VPS13C: variants seen among roughly 807,000 people sequenced by gnomAD.
The protein encoded by VPS13C is intermembrane lipid transfer protein VPS13C.
Under a neutral mutation model 456.8 loss-of-function variants are expected in VPS13C, and 358 were observed. That is an observed-to-expected ratio of 0.78 (90% confidence interval 0.72 to 0.86). The LOEUF (loss-of-function observed/expected upper bound fraction) is 0.86, where lower values mean the gene tolerates loss of function less well. Among genes scored for constraint, VPS13C ranks in the 40% least tolerant of loss-of-function variants. VPS13C has a pLI of 0.00. For synonymous variants in VPS13C, 1,578 were observed against 1,486.7 expected, an observed-to-expected ratio of 1.06 and a Z score of -1.41; for missense variants, 4,818 against 4,385.4, an observed-to-expected ratio of 1.10 and a Z score of -2.79.
At chr15:62,016,342 T>C (rs551308982) in intron 9 of VPS13C, among the ~76,000 whole-genome samples, 1 of 151,980 alleles carries the variant, frequency 6.6e-6, no homozygotes, top group Non-Finnish European at 1.5e-5. Flanking sequence ...TACGTATGTA[T>C]ACATGTGCCA....
At chr15:61,943,511 A>G (rs2044499200) in intron 45 of VPS13C, among the ~76,000 whole-genome samples, 1 of 152,164 alleles carries the variant, frequency 6.6e-6, no homozygotes, top group African/African-American at 2.4e-5. Context: ...AAAAATAGGC[A>G]ATGGGGAAAG....
chr15:61,906,914 T>C (rs1354862030), intron 66 of VPS13C: 1 of 226,550 alleles, frequency 4.4e-6, no homozygotes, highest in Non-Finnish European at 8.8e-6. Context: ...AAACAAGCTT[T>C]AAAAACTCAT....
At position 61,933,780 on chromosome 15, in the gene VPS13C, A is replaced by G. The variant is rs184477263; in HGVS notation, c.5868+439T>C. Among the ~76,000 whole-genome samples, 3 of 152,202 alleles carry G rather than the reference A, an allele frequency of 2.0e-5. No individual in the cohort carries two copies. In the East Asian group the frequency reaches 5.8e-4, roughly 29 times the overall value. On this transcript the variant is annotated intron_variant, in intron 49 of 84. Coordinates refer to ENST00000644861, the MANE Select transcript of VPS13C (RefSeq NM_020821.3). ...ATCTACTACATATAACATTTATTCA[A>G]TAGAAACACAATTAATGCTTATATA...
chr15:62,056,300 T>C (rs1317966230), intron 1 of VPS13C, among the ~76,000 whole-genome samples: 1 of 152,202 alleles, frequency 6.6e-6, no homozygotes, highest in Non-Finnish European at 1.5e-5. Context: ...AATTACTCTT[T>C]ATCCCAATAT....
At chr15:61,968,746 C>T (rs2045456763) in intron 28 of VPS13C, among the ~76,000 whole-genome samples, 1 of 151,744 alleles carries the variant, frequency 6.6e-6, no homozygotes, top group South Asian at 2.1e-4. Context: ...AACTTTACAT[C>T]CTATCATTTT....
intron 9 of VPS13C, among the ~76,000 whole-genome samples, chr15:62,015,398 C>T (rs1412007342): frequency 2.0e-5 from 3 of 151,968 alleles, no homozygotes; most frequent in Admixed American, 6.6e-5. Flanking sequence ...GTTGCCATTG[C>T]TTTTGGTGTT....
intron 50 of VPS13C, among the ~76,000 whole-genome samples, chr15:61,930,295 A>G (rs891302402): frequency 6.6e-6 from 1 of 152,196 alleles, no homozygotes; most frequent in Non-Finnish European, 1.5e-5. Flanking sequence ...AAAGCAGGCT[A>G]CCTAACAGAT....
chr15:62,047,186 G>C (rs2048435770), intron 1 of VPS13C, among the ~76,000 whole-genome samples: 1 of 151,888 alleles, frequency 6.6e-6, no homozygotes, highest in Admixed American at 6.6e-5. Flanking sequence ...AGCACTTTGA[G>C]AGGCCAAGGC....
At chr15:61,901,033 G>A (rs1218464472) in intron 66 of VPS13C, among the ~76,000 whole-genome samples, 2 of 152,014 alleles carry the variant, frequency 1.3e-5, no homozygotes, top group African/African-American at 4.8e-5. Flanking sequence ...TTAATAAATG[G>A]TGCTGGGAAA....
intron 3 of VPS13C, among the ~76,000 whole-genome samples, chr15:62,037,461 T>TAATATAAATTTATTATATTGTAAG (rs2048096968): frequency 1.2e-5 from 1 of 81,744 alleles, no homozygotes. Flanking sequence ...TATATAAATA[T>TAATATAAATTTATTATATTGTAAG]AATATAATAA....
In VPS13C at chr15:61,884,255, C is replaced by T; in HGVS notation, c.9356G>A (p.Trp3119Ter). 6.2e-7 allele frequency: 1 copy of T among 1,610,504 alleles called. No homozygotes were observed. The highest frequency in any genetic ancestry group is 8.5e-7 in the Non-Finnish European group (1 of 1,178,812). Residue 3119 changes from tryptophan (W) to a stop codon, truncating the protein, a stop_gained, in exon 68 of 85, where the codon TGG (tryptophan) becomes TAG (stop). Coordinates refer to ENST00000644861, the MANE Select transcript of VPS13C (RefSeq NM_020821.3). LOFTEE classifies it high-confidence loss of function. ...YIGITSSGVV[W>*]EVKPKQKWKP... ...CCATTTCTGCTTTGGTTTCACCTCC[C>T]AAACAACACCAGAACTAAATAATTC...
rs543067494 is a variant in VPS13C, at chr15:62,008,007, G to A, written c.1119-528C>T. 1.0e-3 allele frequency among the ~76,000 whole-genome samples: 153 copies of A among 152,192 alleles called. 1 individual carries two copies. The highest frequency in any genetic ancestry group is 3.5e-3 in the African/African-American group (146 of 41,536). On this transcript the variant is annotated intron_variant, in intron 14 of 84. Transcript: ENST00000644861. ...TGTAATCCCAGCACTTTGGGAGGCCGAGGAGAGTAGATCACAAGGTCAGGA... is the reference window on the plus strand; with the variant it reads ...TGTAATCCCAGCACTTTGGGAGGCCAAGGAGAGTAGATCACAAGGTCAGGA...
At chr15:61,937,223 T>G (rs1186144837) in intron 47 of VPS13C, among the ~76,000 whole-genome samples, 1 of 152,216 alleles carries the variant, frequency 6.6e-6, no homozygotes, top group African/African-American at 2.4e-5. Context: ...TATATATGCA[T>G]CTGGACATAC....
In VPS13C at chr15:61,920,180, T is replaced by C. The variant is rs1238300931; in HGVS notation, c.7364A>G (p.Asp2455Gly). The C allele has an allele frequency of 2.5e-6, 4 of 1,613,476 alleles. No homozygotes were observed. The highest frequency in any genetic ancestry group is 3.4e-6 in the Non-Finnish European group (4 of 1,179,672). ...MGFPEKSDIF[D>G]VDAGQNLELE... The stretch of plus-strand genomic sequence containing the variant: ...TTCCAAATTCTGGCCAGCATCAACA[T>C]CAAAAATATCACTTTTCTCAGGGAA... The change falls in exon 57 of 85, where the codon GAT becomes GGT. Residue 2455 changes from aspartate (D) to glycine (G), a missense_variant. Asp to Gly is a moderately conservative substitution (Grantham distance 94). Transcript: ENST00000644861.
chr15:61,940,146 TC>T (rs1477066132), intron 47 of VPS13C, among the ~76,000 whole-genome samples: 1 of 152,202 alleles, frequency 6.6e-6, no homozygotes, highest in East Asian at 1.9e-4. Flanking sequence ...ATTTGCCTAT[TC>T]AAAATGATAT....
chr15:61,969,258 T>C (rs533345505), intron 28 of VPS13C, 41 bp downstream of exon 28: 4 of 1,431,960 alleles, frequency 2.8e-6, no homozygotes, highest in South Asian at 1.3e-5. Context: ...AAAAGTCCTA[T>C]CTTTATTATA....
intron 1 of VPS13C, among the ~76,000 whole-genome samples, chr15:62,051,322 T>C (rs1361430551): frequency 6.6e-6 from 1 of 152,218 alleles, no homozygotes; most frequent in African/African-American, 2.4e-5. Flanking sequence ...TAAATCTTTA[T>C]ATTTTAGAAA....
chr15:61,909,502 C>T (rs565788284), intron 64 of VPS13C, among the ~76,000 whole-genome samples: 18 of 152,302 alleles, frequency 1.2e-4, no homozygotes, highest in South Asian at 4.1e-4. Flanking sequence ...CCTCTGCACC[C>T]GGCCTGTTTC....
chr15:61,906,486 G>A (rs1290110858), intron 66 of VPS13C, among the ~76,000 whole-genome samples: 1 of 152,140 alleles, frequency 6.6e-6, no homozygotes, highest in Non-Finnish European at 1.5e-5. Context: ...GCTACTTACT[G>A]GGAGCTACAG....
Sources: gnomAD v4.1 joint callset for allele counts (sites outside exome capture counted in the v4.1 genomes callset) on GRCh38, gnomAD v4.1.1 for gene constraint, MANE v1.5 for transcripts, NCBI Gene and HGNC (gene_info 2026-07-23, HGNC 2026-07-21) for gene names.